Variants in IL3RA observed in about 807,000 individuals in gnomAD.
IL3RA encodes interleukin-3 receptor subunit alpha.
In IL3RA, 73 loss-of-function variants were observed where a neutral mutation model predicts 52.3. That is an observed-to-expected ratio of 1.40 (90% CI 1.16 to 1.70). The LOEUF is 1.70. Ranked by LOEUF, IL3RA falls within the 40% of genes most tolerant of loss-of-function variation. IL3RA has a pLI of 0.00. For synonymous variants in IL3RA, 260 were observed against 194.0 expected (o/e 1.34, Z -2.83); for missense variants, 664 against 504.4 (o/e 1.32, Z -3.03).
At chrX:1,353,374 G>A (rs1232942142) in intron 6 of IL3RA, among the ~76,000 whole-genome samples, 1 of 147,472 alleles carries the variant, frequency 6.8e-6, no homozygotes, top group Non-Finnish European at 1.5e-5. Context: ...CCTCATCATG[G>A]GTTTCATCAT....
intron 4 of IL3RA, among the ~76,000 whole-genome samples, chrX:1,351,295 C>T (rs1213884034): frequency 2.0e-5 from 3 of 151,578 alleles, no homozygotes; most frequent in African/African-American, 7.3e-5. Context: ...ACCATGGTCT[C>T]AAAATACAAA....
chrX:1,361,610 CGTG>C (rs1429899236), intron 8 of IL3RA, among the ~76,000 whole-genome samples: 8 of 151,746 alleles, frequency 5.3e-5, no homozygotes, highest in South Asian at 4.2e-4. Flanking sequence ...ATTACCCAGA[CGTG>C]GTGGTGGCAG....
intron 1 of IL3RA, 27 bp from the exon 2 acceptor site, chrX:1,341,701 G>A (rs1241624684): frequency 7.6e-6 from 12 of 1,589,268 alleles, no homozygotes; most frequent in South Asian, 5.5e-5. Context: ...GCCAGTCCCC[G>A]CTGCCTGACT....
chrX:1,348,420 G>C lies in IL3RA; in HGVS notation c.184-11G>C. 6.3e-7 allele frequency: 1 copy of C among 1,589,024 alleles called. No individual in the cohort carries two copies. The highest frequency in any genetic ancestry group is 1.1e-5 in the South Asian group (1 of 90,566). On this transcript the variant is annotated splice_polypyrimidine_tract_variant and intron_variant, in intron 3 of 11. Transcript: ENST00000331035. ...CTGTCAGCAGCCATCATAGTCCTAT[G>C]TCTCTCTTAGGCAGTGAACAATAGC...
intron 2 of IL3RA, 22 bp from the exon 3 acceptor site, chrX:1,345,294 C>T: frequency 6.5e-7 from 1 of 1,538,004 alleles, no homozygotes; most frequent in Non-Finnish European, 9.0e-7. Flanking sequence ...TCTCTTCGAA[C>T]TCCAACCTGT....
Position 1,348,559 on chromosome X carries a change from T to A in IL3RA, c.298+14T>A. ...TCCCTGAGAACAGTGAGAAAAATGT[T>A]CATTGTTTGTTTATTCTCTATTCCC... On this transcript the variant is annotated intron_variant, in intron 4 of 11. Coordinates refer to ENST00000331035, the MANE Select transcript of IL3RA (RefSeq NM_002183.4). The A allele has an allele frequency of 3.1e-6, 5 of 1,590,024 alleles. No individual in the cohort carries two copies. The highest frequency in any genetic ancestry group is 4.5e-5 in the East Asian group (2 of 44,750).
chrX:1,344,043 C>G (rs1322234514), intron 2 of IL3RA, among the ~76,000 whole-genome samples: 3 of 152,022 alleles, frequency 2.0e-5, no homozygotes, highest in Non-Finnish European at 4.4e-5. Flanking sequence ...ATCCGCCCAC[C>G]TTGGCCTCCC....
chrX:1,381,187 C>T, intron 11 of IL3RA, 83 bp downstream of exon 11: 2 of 1,215,730 alleles, frequency 1.6e-6, no homozygotes, highest in African/African-American at 1.5e-5. Context: ...CCACTTGAGG[C>T]CAGGAACTGG....
In IL3RA at chrX:1,381,173, C is replaced by T. The variant is rs17881731; in HGVS notation, c.1062+69C>T. The T allele has an allele frequency of 3.6e-3, 5,062 of 1,410,766 alleles. 162 individuals are homozygous for T. In the African/African-American group the frequency reaches 0.064, roughly 18 times the overall value. 87.4% of individuals were successfully genotyped at this position (1,410,766 alleles called of 1,614,324 possible). ...GGCCACTTTGGGAGGCCCAGGCGGG[C>T]GGACCACTTGAGGCCAGGAACTGGA... On this transcript the variant is annotated intron_variant, in intron 11 of 11. Coordinates refer to ENST00000331035, the MANE Select transcript of IL3RA (RefSeq NM_002183.4).
chrX:1,342,968 G>A (rs17883220), intron 2 of IL3RA, among the ~76,000 whole-genome samples: 1,863 of 151,744 alleles, frequency 0.012, 45 homozygotes, highest in African/African-American at 0.043. Context: ...CCAGTTACTC[G>A]GGAGGCTGAG....
intron 8 of IL3RA, among the ~76,000 whole-genome samples, chrX:1,363,377 T>C (rs2087626120): frequency 6.7e-6 from 1 of 150,044 alleles, no homozygotes; most frequent in South Asian, 2.1e-4. Flanking sequence ...CTCGGCTCAC[T>C]GCAAGCTCCG....
At chrX:1,352,601 G>A in intron 6 of IL3RA, 95 bp downstream of exon 6, 4 of 1,278,040 alleles carry the variant, frequency 3.1e-6, no homozygotes, top group South Asian at 2.8e-5. Context: ...GGCTCCCAAC[G>A]CAGACGTTGG....
At chrX:1,365,466 G>C (rs1208079681) in intron 9 of IL3RA, among the ~76,000 whole-genome samples, 5 of 54,718 alleles carry the variant, frequency 9.1e-5, no homozygotes, top group African/African-American at 1.4e-4. Flanking sequence ...CGGGGTGCGC[G>C]GGGTGAGCGG....
chrX:1,348,647 T>TTTCTTTCTTTCTTTCTTTCC (rs1491574642), intron 4 of IL3RA, 102 bp downstream of exon 4: 43 of 308,040 alleles, frequency 1.4e-4, no homozygotes, highest in Non-Finnish European at 2.0e-4. Context: ...TCTTTTTCTC[T>TTTCTTTCTTTCTTTCTTTCC]TTCTTTCTTT....
At chrX:1,353,075 T>G (rs151032429) in intron 6 of IL3RA, among the ~76,000 whole-genome samples, 2,159 of 130,734 alleles carry the variant, frequency 0.017, 65 homozygotes, top group African/African-American at 0.059. Flanking sequence ...GTCCCATCAT[T>G]GGTCATAGGA....
At chrX:1,349,284 C>G (rs1336557980) in intron 4 of IL3RA, among the ~76,000 whole-genome samples, 1 of 151,412 alleles carries the variant, frequency 6.6e-6, no homozygotes, top group Non-Finnish European at 1.5e-5. Flanking sequence ...CGGGTTCAAG[C>G]GATTCTCCTG....
intron 8 of IL3RA, among the ~76,000 whole-genome samples, chrX:1,361,645 C>T (rs753034529): frequency 9.3e-5 from 14 of 150,408 alleles, no homozygotes; most frequent in South Asian, 2.1e-4. Context: ...CCCAGCTACT[C>T]GGGAGGCTGA....
At position 1,348,698 on chromosome X, in the gene IL3RA, T is replaced by TTC. The variant is rs1372026489; in HGVS notation, c.298+155_298+156dup. On this transcript the variant is annotated intron_variant, in intron 4 of 11. Transcript: ENST00000331035. ...TCTTTCTTTCTTTCTTTCTTTTTCTTTCTTTCTGTTTCTGTTTCTTTCTTC... is the reference window on the plus strand; with the variant it reads ...TCTTTCTTTCTTTCTTTCTTTTTCTTTCTCTTTCTGTTTCTGTTTCTTTCTTC... 1.4e-3 allele frequency among the ~76,000 whole-genome samples: 89 copies of TTC among 62,078 alleles called. 2 individuals are homozygous for TTC. Among genetic ancestry groups the TTC allele is most frequent in the African/African-American group, 8.8e-3 (86 of 9,724 alleles). The allele number at this position is 62,078 out of a possible 152,430, so 40.7% of individuals were successfully genotyped here.
intron 9 of IL3RA, among the ~76,000 whole-genome samples, chrX:1,366,618 C>A (rs868250780): frequency 5.6e-5 from 1 of 17,914 alleles, no homozygotes; most frequent in Non-Finnish European, 8.6e-5. Flanking sequence ...GAGCGGGGTG[C>A]GCGGGGTGAG....
Sources: gnomAD v4.1 joint callset for allele counts (sites outside exome capture counted in the v4.1 genomes callset) on GRCh38, gnomAD v4.1.1 for gene constraint, MANE v1.5 for transcripts, NCBI Gene and HGNC (gene_info 2026-07-23, HGNC 2026-07-21) for gene names.